Variants in PTK7 observed in about 807,000 individuals in gnomAD.
PTK7 encodes protein tyrosine kinase 7 (inactive).
In PTK7, 39 loss-of-function variants were observed where a neutral mutation model predicts 116.6. That is an observed-to-expected ratio of 0.33 (90% CI 0.26 to 0.44). The LOEUF is 0.44. Ranked by LOEUF, PTK7 falls within the 20% of genes least tolerant of loss-of-function variation. PTK7 has a pLI of 1.00. For synonymous variants in PTK7, 546 were observed against 563.6 expected (o/e 0.97, Z 0.44); for missense variants, 1,169 against 1,425.6 (o/e 0.82, Z 2.90).
chr6:43,109,636 T>C (rs919141824), intron 1 of PTK7, among the ~76,000 whole-genome samples: 8 of 152,128 alleles, frequency 5.3e-5, no homozygotes, highest in Non-Finnish European at 8.8e-5. Flanking sequence ...ATCTTGGCCT[T>C]CATTTGATGG....
intron 1 of PTK7, among the ~76,000 whole-genome samples, chr6:43,085,811 T>C (rs1304866051): frequency 6.6e-6 from 1 of 151,410 alleles, no homozygotes; most frequent in Non-Finnish European, 1.5e-5. Context: ...CGCATGCCCG[T>C]AATCCCAGCT....
chr6:43,094,534 G>T (rs1040231050), intron 1 of PTK7, among the ~76,000 whole-genome samples: 4 of 150,798 alleles, frequency 2.7e-5, no homozygotes, highest in African/African-American at 7.3e-5. Context: ...GCACGATCTC[G>T]GCTCACTGCA....
intron 1 of PTK7, among the ~76,000 whole-genome samples, chr6:43,099,218 C>T (rs1202715704): frequency 4.0e-5 from 6 of 149,822 alleles, no homozygotes; most frequent in African/African-American, 7.4e-5. Flanking sequence ...TCATTCATAG[C>T]TTCCCAACTA....
chr6:43,160,655 T>C (rs1423826883), intron 19 of PTK7, 66 bp from the exon 20 acceptor site: 6 of 1,582,826 alleles, frequency 3.8e-6, no homozygotes, highest in Non-Finnish European at 5.2e-6. Flanking sequence ...AACTGCAAGG[T>C]CCACAAAGTG....
At chr6:43,078,435 A>G (rs1766180181) in intron 1 of PTK7, among the ~76,000 whole-genome samples, 1 of 152,142 alleles carries the variant, frequency 6.6e-6, no homozygotes, top group African/African-American at 2.4e-5. Flanking sequence ...GAACCTGTCC[A>G]TGTGCTGTAA....
At chr6:43,132,318 G>A (rs1341421501) in intron 6 of PTK7, 103 bp from the exon 7 acceptor site, 2 of 1,498,450 alleles carry the variant, frequency 1.3e-6, no homozygotes, top group African/African-American at 1.4e-5. Context: ...GGGCTGCAGG[G>A]GAGGGTTTGT....
At position 43,145,049 on chromosome 6, in the gene PTK7, C is replaced by T; in HGVS notation, c.2408-151C>T. The T allele has an allele frequency of 1.0e-5, 6 of 585,946 alleles. No individual in the cohort carries two copies. 36.3% of individuals were successfully genotyped at this position (585,946 alleles called of 1,614,324 possible). ...ATTTTGTTGCTGCAGACACTGAAGC[C>T]TAAGGAGGGAGGGGGTCACAGCAGA... On this transcript the variant is annotated intron_variant, in intron 15 of 19. Transcript: ENST00000230419. The surrounding 1 kb of genome is among the most constrained non-coding windows in gnomAD (Gnocchi z 4.8).
chr6:43,110,871 C>G (rs980132452), intron 1 of PTK7, among the ~76,000 whole-genome samples: 1 of 152,214 alleles, frequency 6.6e-6, no homozygotes, highest in Non-Finnish European at 1.5e-5. Flanking sequence ...CTTTAGATAG[C>G]ATAGACTTTC....
At chr6:43,144,170 G>A (rs190046629) in intron 14 of PTK7, 178 of 424,906 alleles carry the variant, frequency 4.2e-4, no homozygotes, top group African/African-American at 2.7e-3. Context: ...GTGTAGCTAT[G>A]GTATTAAGGA....
Position 43,143,680 on chromosome 6 carries a change from G to T in PTK7, c.2251+60G>T. ...TGCGGGAGCTGAGCGCCCTCCCGCG[G>T]CCACGGAGGGGAGAGCGCCAGCACT... On this transcript the variant is annotated intron_variant, in intron 14 of 19. Transcript: ENST00000230419. This position sits in a 1 kb window ranked among gnomAD's most constrained non-coding sequence, Gnocchi z 4.2. 1.9e-6 allele frequency: 3 copies of T among 1,542,352 alleles called. No individual in the cohort carries two copies. The highest frequency in any genetic ancestry group is 2.6e-6 in the Non-Finnish European group (3 of 1,141,304).
At position 43,144,438 on chromosome 6, in the gene PTK7, T is replaced by G. The variant is rs1770605502; in HGVS notation, c.2252-13T>G. 1 of 1,613,964 alleles carries G rather than the reference T, an allele frequency of 6.2e-7. No individual in the cohort carries two copies. The highest frequency in any genetic ancestry group is 1.1e-5 in the South Asian group (1 of 91,084). On this transcript the variant is annotated splice_polypyrimidine_tract_variant and intron_variant, in intron 14 of 19. Transcript: ENST00000230419. Reference sequence around the variant, plus strand: ...AGGTCTCATCGTGACGCTCTTGTCCTCCTCCTTCCCAGGTGGGCCTTTGCA... The same window carrying G: ...AGGTCTCATCGTGACGCTCTTGTCCGCCTCCTTCCCAGGTGGGCCTTTGCA...
At chr6:43,100,365 A>G (rs1304989513) in intron 1 of PTK7, among the ~76,000 whole-genome samples, 1 of 151,046 alleles carries the variant, frequency 6.6e-6, no homozygotes, top group Non-Finnish European at 1.5e-5. Context: ...CCTGGGTGAC[A>G]GAGCGAGACT....
chr6:43,095,972 T>G (rs1193250949), intron 1 of PTK7, among the ~76,000 whole-genome samples: 1 of 152,224 alleles, frequency 6.6e-6, no homozygotes, highest in Non-Finnish European at 1.5e-5. Context: ...TACACAGATA[T>G]GTGTAAGCTC....
intron 17 of PTK7, among the ~76,000 whole-genome samples, chr6:43,146,980 C>T (rs1467081060): frequency 6.6e-6 from 1 of 152,258 alleles, no homozygotes; most frequent in South Asian, 2.1e-4. Flanking sequence ...GAGCTACCCT[C>T]GGACCTTGCC....
Position 43,129,688 on chromosome 6 carries a change from C to A in PTK7, c.368-39C>A. ...TGCCCTCTGCCTTCCCGCCTTTGCC[C>A]TGCTCTGCCCCTCACTGCAACCGTG... On this transcript the variant is annotated intron_variant, in intron 2 of 19. Transcript: ENST00000230419. This position sits in a 1 kb window ranked among gnomAD's most constrained non-coding sequence, Gnocchi z 4.5. 1 of 1,584,102 alleles carries A rather than the reference C, an allele frequency of 6.3e-7. No individual in the cohort carries two copies. Among genetic ancestry groups the A allele is most frequent in the South Asian group, 1.1e-5 (1 of 90,468 alleles).
At position 43,092,552 on chromosome 6, in the gene PTK7, C is replaced by T. The variant is rs1175211335; in HGVS notation, c.79+15985C>T. On this transcript the variant is annotated intron_variant, in intron 1 of 19. Transcript: ENST00000230419. ...TACTACCTGAGGTTTTAGGCATCCA[C>T]TGGGGGGTCATAGAACATATCCCCC... 2.0e-5 allele frequency among the ~76,000 whole-genome samples: 3 copies of T among 152,140 alleles called. No individual in the cohort carries two copies. The East Asian group carries it at 5.8e-4, about 29-fold the overall frequency.
chr6:43,131,890 C>A, intron 5 of PTK7, 126 bp from the exon 6 acceptor site: 3 of 1,313,672 alleles, frequency 2.3e-6, no homozygotes, highest in South Asian at 1.3e-5. Context: ...GCTTCCTTCT[C>A]TCTGCCCTGT....
At chr6:43,133,862 T>C (rs1769863381) in intron 7 of PTK7, 1 of 152,188 alleles carries the variant, frequency 6.6e-6, no homozygotes, top group Non-Finnish European at 1.5e-5. Context: ...AGTATTCCCA[T>C]TAGGATACTG....
intron 17 of PTK7, among the ~76,000 whole-genome samples, 184 bp from the exon 18 acceptor site, chr6:43,158,633 C>A (rs1374140376): frequency 6.6e-6 from 1 of 152,220 alleles, no homozygotes; most frequent in African/African-American, 2.4e-5. Context: ...AGTCTTCTAA[C>A]AACCCAGGAA....
Sources: gnomAD v4.1 joint callset for allele counts (sites outside exome capture counted in the v4.1 genomes callset) on GRCh38, gnomAD v4.1.1 for gene constraint, Gnocchi (gnomAD v3.1) non-coding constraint, MANE v1.5 for transcripts, NCBI Gene and HGNC (gene_info 2026-07-23, HGNC 2026-07-21) for gene names.